Variants in FRMD6 observed in about 807,000 individuals in gnomAD.
The protein encoded by FRMD6 is FERM domain-containing protein 6.
In FRMD6, 37 loss-of-function variants were observed where a neutral mutation model predicts 73.2. That is an observed-to-expected ratio of 0.51 (90% CI 0.39 to 0.66). FRMD6 has a LOEUF of 0.66. FRMD6 is among the 30% of genes least tolerant of loss of function. The probability of loss-of-function intolerance (pLI) is 0.00; values close to 1 mark genes in which losing one functional copy is unlikely to be tolerated. For synonymous variants in FRMD6, 273 were observed against 282.2 expected, an observed-to-expected ratio of 0.97 and a Z score of 0.33; for missense variants, 714 against 780.5, an observed-to-expected ratio of 0.91 and a Z score of 1.02.
intron 1 of FRMD6, among the ~76,000 whole-genome samples, chr14:51,496,580 G>A (rs911798130): frequency 2.6e-5 from 4 of 152,180 alleles, no homozygotes; most frequent in Admixed American, 6.5e-5. Flanking sequence ...AAGCTGCGAA[G>A]CCTCTTCAGA....
chr14:51,478,314 T>G, the FRMD6 span, among the ~76,000 whole-genome samples: 1 of 152,224 alleles, frequency 6.6e-6, no homozygotes, highest in Non-Finnish European at 1.5e-5. Flanking sequence ...TTTTTTTTCC[T>G]TCTCATTGGA....
intron 1 of FRMD6, among the ~76,000 whole-genome samples, chr14:51,515,036 T>C (rs569489138): frequency 7.9e-5 from 12 of 152,332 alleles, no homozygotes; most frequent in African/African-American, 2.6e-4. Flanking sequence ...TCAACCATGA[T>C]GGTGTCCCCA....
the FRMD6 span, chr14:51,397,180 A>T: frequency 6.6e-6 from 1 of 152,266 alleles, no homozygotes; most frequent in African/African-American, 2.4e-5. Flanking sequence ...GTCATCATAG[A>T]AGACTTGGGC....
intron 1 of FRMD6, chr14:51,491,404 T>C (rs1882994892): frequency 6.6e-6 from 1 of 152,228 alleles, no homozygotes; most frequent in South Asian, 2.1e-4. Context: ...CATTGATGGT[T>C]CCCCAGCTCC....
At chr14:51,406,209 A>G in the FRMD6 span, among the ~76,000 whole-genome samples, 4 of 152,112 alleles carry the variant, frequency 2.6e-5, no homozygotes, top group East Asian at 7.7e-4. Flanking sequence ...TACCAGTACC[A>G]TGATGTTTTG....
upstream of FRMD6, among the ~76,000 whole-genome samples, chr14:51,486,913 G>A (rs1057514099): frequency 1.3e-5 from 2 of 151,088 alleles, no homozygotes; most frequent in Non-Finnish European, 2.9e-5. Flanking sequence ...CAAGTTTCAG[G>A]ATAGTATATA....
chr14:51,400,188 G>A, the FRMD6 span, among the ~76,000 whole-genome samples: 144 of 152,216 alleles, frequency 9.5e-4, no homozygotes, highest in Middle Eastern at 6.8e-3. Flanking sequence ...TAGTCACCAT[G>A]CCATGCAATA....
rs1177385253 is a variant in FRMD6 at position 51,698,231 on chromosome 14, A to G, written c.189A>G (p.Gln63=). 1.2e-6 allele frequency: 2 copies of G among 1,607,370 alleles called. No homozygotes were observed. Among genetic ancestry groups the G allele is most frequent in the East Asian group, 2.2e-5 (1 of 44,770 alleles). ...ACCTCTTTGGACTCAGTGTTATACAAAGTAAGTCTTAGAGCCCTCTCTGAT... is the reference window on the plus strand; with the variant it reads ...ACCTCTTTGGACTCAGTGTTATACAGAGTAAGTCTTAGAGCCCTCTCTGAT... The part of the protein sequence containing the change: ...DCHLFGLSVI[Q]NNEHVYMELS... Residue 63 remains glutamine, a splice_region_variant and synonymous_variant, in exon 3 of 14, where the codon CAA becomes CAG. Coordinates refer to ENST00000344768, the MANE Select transcript of FRMD6 (RefSeq NM_001267046.2).
intron 2 of FRMD6, among the ~76,000 whole-genome samples, chr14:51,589,629 C>T (rs1006191288): frequency 2.0e-5 from 3 of 151,782 alleles, no homozygotes; most frequent in Non-Finnish European, 4.4e-5. Flanking sequence ...CTGTTACTAC[C>T]CCTCTGGTTC....
At chr14:51,506,961 T>C (rs77231174) in intron 1 of FRMD6, among the ~76,000 whole-genome samples, 258 of 152,304 alleles carry the variant, frequency 1.7e-3, no homozygotes, top group South Asian at 2.5e-3. Context: ...TTAAAAATAT[T>C]AGCATTAAAC....
chr14:51,406,812 T>C, the FRMD6 span, among the ~76,000 whole-genome samples: 2 of 152,218 alleles, frequency 1.3e-5, no homozygotes, highest in Non-Finnish European at 2.9e-5. Flanking sequence ...AATAATGCTT[T>C]GTCATTTTCT....
In FRMD6 at chr14:51,513,495, T is replaced by G. The variant is rs538176313; in HGVS notation, c.-210+24075T>G. Among the ~76,000 whole-genome samples the G allele has an allele frequency of 1.1e-3, 165 of 152,328 alleles. 2 individuals are homozygous for G. Among genetic ancestry groups the G allele is most frequent in the African/African-American group, 3.8e-3 (160 of 41,562 alleles). On this transcript the variant is annotated intron_variant, in intron 1 of 14. Coordinates refer to the FRMD6 transcript ENST00000356218. The stretch of plus-strand genomic sequence containing the variant: ...AGAAAACCCCGGGCCAGGCCTTTCT[T>G]CACAGTGGTTATTTTGGCTTTACAG...
chr14:51,662,314 A>G (rs1319074176), intron 1 of FRMD6, among the ~76,000 whole-genome samples: 1 of 152,186 alleles, frequency 6.6e-6, no homozygotes, highest in African/African-American at 2.4e-5. Flanking sequence ...ACAAATTCAC[A>G]TGGGACCAAA....
intron 9 of FRMD6, among the ~76,000 whole-genome samples, chr14:51,713,154 G>A (rs1566589079): frequency 6.6e-6 from 1 of 152,004 alleles, no homozygotes; most frequent in Non-Finnish European, 1.5e-5. Context: ...TGTACATTTG[G>A]TCATAAAAAT....
intron 1 of FRMD6, among the ~76,000 whole-genome samples, chr14:51,526,609 T>A (rs190863130): frequency 6.6e-6 from 1 of 152,182 alleles, no homozygotes; most frequent in Non-Finnish European, 1.5e-5. Flanking sequence ...AATAAGCCTC[T>A]TACACTAAAT....
chr14:51,530,406 G>A (rs1885514771), intron 1 of FRMD6, among the ~76,000 whole-genome samples: 1 of 152,206 alleles, frequency 6.6e-6, no homozygotes, highest in Admixed American at 6.5e-5. Context: ...GTAACAGGTA[G>A]ATATTAATAA....
chr14:51,567,210 A>C (rs1412662394), intron 1 of FRMD6, among the ~76,000 whole-genome samples: 1 of 152,162 alleles, frequency 6.6e-6, no homozygotes, highest in Non-Finnish European at 1.5e-5. Flanking sequence ...TTTTAATGTA[A>C]AATCTTCCAA....
chr14:51,559,666 C>G (rs945809816), intron 1 of FRMD6, among the ~76,000 whole-genome samples: 11 of 152,056 alleles, frequency 7.2e-5, no homozygotes, highest in African/African-American at 2.7e-4. Context: ...TTGAATTTTT[C>G]TCTTCTCCAG....
chr14:51,715,190 A>G, intron 9 of FRMD6, 135 bp from the exon 10 acceptor site: 1 of 663,416 alleles, frequency 1.5e-6, no homozygotes, highest in Non-Finnish European at 2.3e-6. Context: ...ACAATAATTT[A>G]TCCCACAAGG....
Sources: gnomAD v4.1 joint callset for allele counts (sites outside exome capture counted in the v4.1 genomes callset) on GRCh38, gnomAD v4.1.1 for gene constraint, MANE v1.5 for transcripts, NCBI Gene and HGNC (gene_info 2026-07-23, HGNC 2026-07-21) for gene names.